The following NUBP1 variants were observed in gnomAD, a reference collection of about 807,000 sequenced individuals.
NUBP1 encodes cytosolic Fe-S cluster assembly factor NUBP1.
Under a neutral mutation model 41.8 loss-of-function variants are expected in NUBP1, and 46 were observed. That is an observed-to-expected ratio of 1.10 (90% CI 0.87 to 1.41). The LOEUF (loss-of-function observed/expected upper bound fraction) is 1.41, where lower values mean the gene tolerates loss of function less well. Ranked by LOEUF, NUBP1 falls within the 40% of genes most tolerant of loss-of-function variation. The pLI, the probability that NUBP1 is intolerant of heterozygous loss-of-function variation, is 0.00. For synonymous variants in NUBP1, 189 were observed against 154.6 expected, an observed-to-expected ratio of 1.22 and a Z score of -1.65; for missense variants, 494 against 414.0, an observed-to-expected ratio of 1.19 and a Z score of -1.68.
chr16:10,743,910 C>A, intron 1 of NUBP1, 28 bp downstream of exon 1: 1 of 1,573,446 alleles, frequency 6.4e-7, no homozygotes. Context: ...GCGTGGGTCG[C>A]GGGGCGAAAG....
At chr16:10,745,002 T>G (rs1415953631) in intron 2 of NUBP1, among the ~76,000 whole-genome samples, 2 of 151,284 alleles carry the variant, frequency 1.3e-5, no homozygotes, top group East Asian at 4.0e-4. Context: ...AAGTGATGCA[T>G]CTGCCTGGGC....
At chr16:10,758,378 T>C (rs1388296806) in intron 7 of NUBP1, among the ~76,000 whole-genome samples, 1 of 152,008 alleles carries the variant, frequency 6.6e-6, no homozygotes, top group South Asian at 2.1e-4. Flanking sequence ...GAGGCTGAGG[T>C]AGGAGGATCA....
chr16:10,756,935 G>C (rs1439025272), intron 6 of NUBP1, among the ~76,000 whole-genome samples, 155 bp downstream of exon 6: 2 of 152,176 alleles, frequency 1.3e-5, no homozygotes, highest in East Asian at 1.9e-4. Context: ...TGGTTGAAAA[G>C]AGCTAATAGA....
At position 10,765,457 on chromosome 16, in the gene NUBP1, A is replaced by G. The variant is rs769782295; in HGVS notation, c.821-2492A>G. Among the ~76,000 whole-genome samples, 1 of 151,936 alleles carries G rather than the reference A, an allele frequency of 6.6e-6. No homozygotes were observed. Among genetic ancestry groups the G allele is most frequent in the Non-Finnish European group, 1.5e-5 (1 of 68,004 alleles). On this transcript the variant is annotated intron_variant, in intron 9 of 10. Transcript: ENST00000283027. The surrounding 1 kb of genome is among the most constrained non-coding windows in gnomAD (Gnocchi z 4.0). ...AGGGAGGTTGAGGTTGCAGTGAGCC[A>G]TGATCACACCACTGCACTCCAGCCT...
chr16:10,760,752 T>C (rs1283237973), intron 7 of NUBP1, among the ~76,000 whole-genome samples: 9 of 152,144 alleles, frequency 5.9e-5, no homozygotes, highest in Admixed American at 3.9e-4. Context: ...AAAAGTCATT[T>C]TCTTTTAGGT....
intron 2 of NUBP1, among the ~76,000 whole-genome samples, chr16:10,744,806 A>G (rs1164504641): frequency 1.3e-5 from 2 of 151,638 alleles, no homozygotes; most frequent in Non-Finnish European, 1.5e-5. Flanking sequence ...AGCCCAGACC[A>G]GAGTGCAGTG....
In NUBP1 at chr16:10,768,042, T is replaced by C. The variant is rs2031161355; in HGVS notation, c.904+10T>C. ...AGAAGTATAATTCAGAGTAAGTATT[T>C]CCATGAGTACTAAATGCAGATGCCT... On this transcript the variant is annotated intron_variant, in intron 10 of 10. Transcript: ENST00000283027. The surrounding 1 kb of genome is among the most constrained non-coding windows in gnomAD (Gnocchi z 4.3). The C allele has an allele frequency of 6.2e-7, 1 of 1,612,890 alleles. No homozygotes were observed. Among genetic ancestry groups the C allele is most frequent in the African/African-American group, 1.3e-5 (1 of 74,878 alleles).
Position 10,768,477 on chromosome 16 carries a change from C to G in NUBP1, c.904+445C>G. The G allele has an allele frequency of 6.2e-6, 1 of 160,738 alleles. No individual in the cohort carries two copies. Among genetic ancestry groups the G allele is most frequent in the Non-Finnish European group, 1.4e-5 (1 of 73,628 alleles). The allele number at this position is 160,738 out of a possible 1,614,324, so 10.0% of individuals were successfully genotyped here. A position where few individuals can be genotyped will look rare whatever the true frequency, so the allele number is the denominator to read the frequency against. On this transcript the variant is annotated intron_variant, in intron 10 of 10. Coordinates refer to ENST00000283027, the MANE Select transcript of NUBP1 (RefSeq NM_002484.4). The surrounding 1 kb of genome is among the most constrained non-coding windows in gnomAD (Gnocchi z 4.3). ...TGAAAATTAGCCGGGTGTGGTGGCG[C>G]ATGCCTGTAGTCCCAGCTACTCAGG...
At chr16:10,746,655 C>T (rs1327892458) in intron 2 of NUBP1, among the ~76,000 whole-genome samples, 3 of 152,060 alleles carry the variant, frequency 2.0e-5, no homozygotes, top group South Asian at 4.1e-4. Flanking sequence ...GCAGGAGAAT[C>T]GCTTGAACCC....
chr16:10,758,672 C>T (rs1268425537), intron 7 of NUBP1, among the ~76,000 whole-genome samples: 1 of 152,190 alleles, frequency 6.6e-6, no homozygotes, highest in African/African-American at 2.4e-5. Flanking sequence ...TCAGCCTTGC[C>T]GTGTCCATGT....
chr16:10,762,635 C>G (rs932305117), intron 9 of NUBP1, among the ~76,000 whole-genome samples: 6 of 152,194 alleles, frequency 3.9e-5, no homozygotes, highest in African/African-American at 1.4e-4. Flanking sequence ...GAGGGGAGAA[C>G]AGAGAGAGAA....
chr16:10,754,400 G>A (rs1220063356), intron 4 of NUBP1, among the ~76,000 whole-genome samples: 4 of 151,840 alleles, frequency 2.6e-5, no homozygotes, highest in Non-Finnish European at 5.9e-5. Context: ...ACGCCACCAC[G>A]TCCAGCTATT....
intron 9 of NUBP1, among the ~76,000 whole-genome samples, chr16:10,762,405 C>T (rs1372045124): frequency 6.6e-6 from 1 of 152,212 alleles, no homozygotes; most frequent in African/African-American, 2.4e-5. Flanking sequence ...GATGCCCACT[C>T]CCTGAGTGGC....
At chr16:10,752,718 A>G (rs776313724) in intron 4 of NUBP1, 40 bp downstream of exon 4, 26 of 1,538,362 alleles carry the variant, frequency 1.7e-5, no homozygotes, top group East Asian at 9.0e-5. Flanking sequence ...TATTCTCTTA[A>G]GGCAAACTCT....
intron 9 of NUBP1, among the ~76,000 whole-genome samples, chr16:10,762,330 C>T (rs1084543): frequency 3.9e-5 from 6 of 152,166 alleles, no homozygotes; most frequent in East Asian, 1.9e-4. Context: ...CACTGGCCTG[C>T]GAGCAGGGGC....
rs565667825 is a variant in NUBP1, at chr16:10,749,864, C to T, written c.258+2588C>T. Among the ~76,000 whole-genome samples the T allele has an allele frequency of 1.2e-4, 19 of 152,174 alleles. No individual in the cohort carries two copies. The highest frequency in any genetic ancestry group is 3.1e-4 in the African/African-American group (13 of 41,428). On this transcript the variant is annotated intron_variant, in intron 3 of 10. Transcript: ENST00000283027. The surrounding 1 kb of genome is among the most constrained non-coding windows in gnomAD (Gnocchi z 4.1). ...GAGCAGAATTAGAAAACACCCCTGA[C>T]GAGTCACAGGCTGCCCAGGGAGTGT...
rs538052543 is a variant in NUBP1, at chr16:10,758,944, G to T, written c.606+917G>T. ...TCTGTAAGTCCTGCAGAGAGCAACTGCAGGCAGGACCATGGTGCTATCCAT... is the reference window on the plus strand; with the variant it reads ...TCTGTAAGTCCTGCAGAGAGCAACTTCAGGCAGGACCATGGTGCTATCCAT... On this transcript the variant is annotated intron_variant, in intron 7 of 10. Transcript: ENST00000283027. Among the ~76,000 whole-genome samples the T allele has an allele frequency of 2.6e-5, 4 of 152,302 alleles. No homozygotes were observed. The South Asian group carries it at 8.3e-4, about 32-fold the overall frequency.
chr16:10,751,385 T>G (rs1474391376), intron 3 of NUBP1, among the ~76,000 whole-genome samples: 5 of 152,160 alleles, frequency 3.3e-5, no homozygotes, highest in Non-Finnish European at 5.9e-5. Flanking sequence ...CGCTCTGCTG[T>G]TCTCCCCGGA....
At chr16:10,758,123 T>C in intron 7 of NUBP1, 96 bp downstream of exon 7, 2 of 1,410,360 alleles carry the variant, frequency 1.4e-6, no homozygotes, top group Non-Finnish European at 1.9e-6. Context: ...TCACCAAGGC[T>C]CTTCCCAGTG....
Sources: allele counts gnomAD v4.1 joint callset (sites outside exome capture counted in the v4.1 genomes callset), GRCh38; gene constraint gnomAD v4.1.1; non-coding constraint Gnocchi (gnomAD v3.1); transcripts MANE v1.5; gene names NCBI Gene and HGNC (gene_info 2026-07-23, HGNC 2026-07-21).